GATB: variants seen among roughly 807,000 people sequenced by gnomAD.
GATB encodes glutamyl-tRNA(Gln) amidotransferase subunit B, mitochondrial.
Under a neutral mutation model 62.3 loss-of-function variants are expected in GATB, and 39 were observed. The observed-to-expected ratio is 0.63, with a 90% confidence interval of 0.48 to 0.82. GATB has a LOEUF of 0.82. Among genes scored for constraint, GATB ranks in the 40% least tolerant of loss-of-function variants. GATB has a pLI of 0.00. For missense variants in GATB, 670 were observed against 684.0 expected (o/e 0.98, Z 0.23); for synonymous variants, 276 against 258.9 (o/e 1.07, Z -0.63).
At chr4:151,757,935 C>G (rs1047978538) in intron 2 of GATB, among the ~76,000 whole-genome samples, 1 of 152,134 alleles carries the variant, frequency 6.6e-6, no homozygotes, top group Non-Finnish European at 1.5e-5. Context: ...CTGGACAGAC[C>G]ATATGCTATT....
At position 151,736,074 on chromosome 4, in the gene GATB, T is replaced by C. The variant is rs182916006; in HGVS notation, c.328-16536A>G. Among the ~76,000 whole-genome samples the C allele has an allele frequency of 6.2e-3, 945 of 152,270 alleles. 5 individuals are homozygous for C. Among genetic ancestry groups the C allele is most frequent in the Non-Finnish European group, 0.01 (690 of 68,016 alleles). ...TAAACCCCACATCCTGCCACTTCCA[T>C]TCACTGCTGCTGAAAATCAGCTCTA... On this transcript the variant is annotated intron_variant, in intron 2 of 12. Transcript: ENST00000263985.
intron 2 of GATB, among the ~76,000 whole-genome samples, chr4:151,731,800 G>A (rs1030777904): frequency 6.7e-6 from 1 of 148,796 alleles, no homozygotes; most frequent in Non-Finnish European, 1.5e-5. Flanking sequence ...GTCTCTGCCC[G>A]GCCGCCCCGT....
chr4:151,708,051 G>C lies in GATB; in HGVS notation c.814C>G (p.Pro272Ala), dbSNP rs138617444. The change falls in exon 6 of 13, where the codon CCT (proline) becomes GCT (alanine). Residue 272 changes from proline to alanine, a missense_variant. By Grantham distance (27) the Pro-to-Ala change is conservative. Coordinates refer to ENST00000263985, the MANE Select transcript of GATB (RefSeq NM_004564.3). Reference protein sequence around the residue: ...ANISVHHPGEPLGVRTEVKNL... With the variant: ...ANISVHHPGEALGVRTEVKNL... Reference sequence around the variant, plus strand: ...TTCACTTCCGTTCGAACGCCCAAAGGCTCCCCAGGGTGATGCACGGATATA... The same window carrying C: ...TTCACTTCCGTTCGAACGCCCAAAGCCTCCCCAGGGTGATGCACGGATATA... 9.3e-6 allele frequency: 15 copies of C among 1,614,012 alleles called. No homozygotes were observed. In the Admixed American group the frequency reaches 1.0e-4, roughly 11 times the overall value.
At chr4:151,757,373 C>CT (rs1358893367) in intron 2 of GATB, among the ~76,000 whole-genome samples, 1 of 151,962 alleles carries the variant, frequency 6.6e-6, no homozygotes, top group African/African-American at 2.4e-5. Context: ...GGCAGGCATA[C>CT]TGGAGGCACT....
At chr4:151,699,379 C>A (rs1578908501) in intron 9 of GATB, among the ~76,000 whole-genome samples, 2 of 146,822 alleles carry the variant, frequency 1.4e-5, no homozygotes, top group South Asian at 2.2e-4. Context: ...AGAGTTGAGA[C>A]CCTGTCTCAA....
chr4:151,693,510 C>T (rs1331323849), intron 9 of GATB, among the ~76,000 whole-genome samples: 2 of 151,364 alleles, frequency 1.3e-5, no homozygotes, highest in Non-Finnish European at 2.9e-5. Flanking sequence ...CGACCCCCCC[C>T]TCAAGAGTGT....
chr4:151,705,353 A>T, intron 6 of GATB, 84 bp from the exon 7 acceptor site: 1 of 812,886 alleles, frequency 1.2e-6, no homozygotes, highest in South Asian at 1.6e-5. Context: ...ACCTTTCTCA[A>T]TCTCTAAGTT....
chr4:151,690,232 A>C (rs191404162), intron 9 of GATB, among the ~76,000 whole-genome samples: 1 of 152,358 alleles, frequency 6.6e-6, no homozygotes, highest in East Asian at 1.9e-4. Flanking sequence ...AAATTCCATA[A>C]TAATAAAAAA....
In GATB at chr4:151,688,733, T is replaced by G. The variant is rs773182148; in HGVS notation, c.1228A>C (p.Asn410His). ...TCTGCCCTAGTTTCTTTTATCACATTTTGGAAGAACTCCAGTAGGCCGACT... is the reference window on the plus strand; with the variant it reads ...TCTGCCCTAGTTTCTTTTATCACATGTTGGAAGAACTCCAGTAGGCCGACT... ...NEVGLLEFFQ[N>H]VIKETRAEPK... Residue 410 changes from asparagine (N) to histidine (H), a missense_variant, in exon 10 of 13, where the codon AAT becomes CAT. Asn to His is a moderately conservative substitution (Grantham distance 68). Transcript: ENST00000263985. 5.0e-6 allele frequency: 8 copies of G among 1,609,362 alleles called. No homozygotes were observed. The highest frequency in any genetic ancestry group is 5.9e-6 in the Non-Finnish European group (7 of 1,178,872).
intron 11 of GATB, chr4:151,678,034 A>G (rs1478652979): frequency 1.3e-5 from 2 of 151,954 alleles, no homozygotes; most frequent in African/African-American, 2.4e-5. Context: ...CATTACTTAT[A>G]TTTTTTTATG....
At position 151,716,891 on chromosome 4, in the gene GATB, C is replaced by G. The variant is rs1398282921; in HGVS notation, c.625G>C (p.Asp209His). ...HDNLRSQTLI[D>H]LNRAGVGLLE... ...CCAAGCCTACCTGCCCTGTTCAAAT[C>G]AATGAGCGTCTGAGACCTCAGGTTG... The change falls in exon 4 of 13, where the codon GAT (aspartate) becomes CAT (histidine). Residue 209 changes from aspartate to histidine, a missense_variant. By Grantham distance (81) the Asp-to-His change is moderately conservative. Coordinates refer to ENST00000263985, the MANE Select transcript of GATB (RefSeq NM_004564.3). The G allele has an allele frequency of 6.2e-7, 1 of 1,614,218 alleles. No individual in the cohort carries two copies.
intron 2 of GATB, chr4:151,721,327 G>A (rs1739027833): frequency 2.0e-5 from 3 of 152,198 alleles, no homozygotes; most frequent in African/African-American, 7.2e-5. Flanking sequence ...CAGGACTCAG[G>A]TTATAAGATG....
intron 2 of GATB, among the ~76,000 whole-genome samples, chr4:151,750,802 ATT>A (rs113055258): frequency 7.1e-6 from 1 of 140,442 alleles, no homozygotes; most frequent in Non-Finnish European, 1.6e-5. Flanking sequence ...TTATTTTTGT[ATT>A]TTTTTTTTTT....
intron 8 of GATB, chr4:151,703,121 G>C (rs573152689): frequency 1.3e-5 from 2 of 152,224 alleles, no homozygotes; most frequent in Non-Finnish European, 2.9e-5. Flanking sequence ...TTTGACTCTA[G>C]CAGACAGACA....
chr4:151,697,965 A>ATATATATATATATGTGTATG (rs1560847739), intron 9 of GATB, among the ~76,000 whole-genome samples: 27 of 109,016 alleles, frequency 2.5e-4, no homozygotes, highest in African/African-American at 1.3e-3. Flanking sequence ...ATATATATAT[A>ATATATATATATATGTGTATG]TATATATATA....
At chr4:151,743,289 G>C (rs1739532741) in intron 2 of GATB, among the ~76,000 whole-genome samples, 1 of 152,150 alleles carries the variant, frequency 6.6e-6, no homozygotes, top group Non-Finnish European at 1.5e-5. Context: ...AGGCTAATTA[G>C]GTGAGATTTC....
At chr4:151,736,773 G>C (rs1739383884) in intron 2 of GATB, among the ~76,000 whole-genome samples, 1 of 152,172 alleles carries the variant, frequency 6.6e-6, no homozygotes, top group Non-Finnish European at 1.5e-5. Flanking sequence ...CATGGGGGCA[G>C]GTCTTTCCGG....
At chr4:151,703,440 C>T (rs979350432) in intron 8 of GATB, 1 of 194,240 alleles carries the variant, frequency 5.1e-6, no homozygotes. Flanking sequence ...AGGGAACTAC[C>T]ATCAACATAC....
At chr4:151,678,416 G>A (rs180681854) in intron 11 of GATB, among the ~76,000 whole-genome samples, 2 of 150,782 alleles carry the variant, frequency 1.3e-5, no homozygotes, top group Non-Finnish European at 2.9e-5. Flanking sequence ...TTCATTTCAC[G>A]TGCAATAATT....
Sources: gnomAD v4.1 joint callset for allele counts (sites outside exome capture counted in the v4.1 genomes callset) on GRCh38, gnomAD v4.1.1 for gene constraint, MANE v1.5 for transcripts, NCBI Gene and HGNC (gene_info 2026-07-23, HGNC 2026-07-21) for gene names.